Variants in FAM227B observed in about 807,000 individuals in gnomAD.
FAM227B encodes protein FAM227B.
FAM227B carries 88 observed loss-of-function variants against 73.8 expected under a neutral mutation model. That is an observed-to-expected ratio of 1.19 (90% CI 1.00 to 1.42). FAM227B has a LOEUF of 1.42. Ranked by LOEUF, FAM227B falls within the 40% of genes most tolerant of loss-of-function variation. The pLI is 0.00. For missense variants in FAM227B, 632 were observed against 590.9 expected, an observed-to-expected ratio of 1.07 and a Z score of -0.72; for synonymous variants, 210 against 190.5, an observed-to-expected ratio of 1.10 and a Z score of -0.84.
At chr15:49,476,019 A>G (rs1166140166) in intron 11 of FAM227B, among the ~76,000 whole-genome samples, 1 of 152,144 alleles carries the variant, frequency 6.6e-6, no homozygotes, top group Non-Finnish European at 1.5e-5. Flanking sequence ...CAATCTTCTG[A>G]ACATGACTTT....
intron 13 of FAM227B, among the ~76,000 whole-genome samples, chr15:49,352,936 G>GTGTA (rs1441046140): frequency 6.6e-6 from 1 of 152,172 alleles, no homozygotes; most frequent in Non-Finnish European, 1.5e-5. Context: ...TCTTACTGCA[G>GTGTA]TGTATTAAAC....
chr15:49,454,437 T>C (rs1388016654), intron 11 of FAM227B, among the ~76,000 whole-genome samples: 1 of 152,188 alleles, frequency 6.6e-6, no homozygotes, highest in East Asian at 1.9e-4. Flanking sequence ...GTGCCTGCTC[T>C]GTTTATAGAA....
intron 11 of FAM227B, among the ~76,000 whole-genome samples, chr15:49,479,364 C>T (rs1447528505): frequency 6.6e-6 from 1 of 151,964 alleles, no homozygotes; most frequent in Non-Finnish European, 1.5e-5. Flanking sequence ...TTACTGGGTA[C>T]TACTTAATGT....
intron 11 of FAM227B, among the ~76,000 whole-genome samples, chr15:49,401,386 C>T (rs2048135486): frequency 6.6e-6 from 1 of 151,916 alleles, no homozygotes; most frequent in Non-Finnish European, 1.5e-5. Flanking sequence ...AATAGGAACA[C>T]TTTTACACTG....
At chr15:49,455,644 C>T (rs2053215232) in intron 11 of FAM227B, among the ~76,000 whole-genome samples, 2 of 151,992 alleles carry the variant, frequency 1.3e-5, no homozygotes, top group Non-Finnish European at 2.9e-5. Flanking sequence ...AATCTAATGT[C>T]CTATATTTCT....
intron 9 of FAM227B, among the ~76,000 whole-genome samples, chr15:49,554,974 C>T (rs1053459079): frequency 6.6e-6 from 1 of 152,056 alleles, no homozygotes; most frequent in African/African-American, 2.4e-5. Context: ...CTGGGGGTAT[C>T]ACTGTATGTG....
At chr15:49,523,603 A>G (rs974308414) in intron 10 of FAM227B, among the ~76,000 whole-genome samples, 4 of 152,206 alleles carry the variant, frequency 2.6e-5, no homozygotes, top group Non-Finnish European at 5.9e-5. Context: ...TGCTAAAAAG[A>G]TACCAAAAAA....
Position 49,611,205 on chromosome 15 carries a change from C to A in FAM227B, c.105+10G>T. ...ATGTAATGGCACATAAAATAAGATG[C>A]TTTACTCACCCAATTTTGAAACTTT... On this transcript the variant is annotated intron_variant, in intron 3 of 15. Coordinates refer to ENST00000299338, the MANE Select transcript of FAM227B (RefSeq NM_152647.3). 1 of 1,550,730 alleles carries A rather than the reference C, an allele frequency of 6.4e-7. No individual in the cohort carries two copies. The highest frequency in any genetic ancestry group is 8.9e-7 in the Non-Finnish European group (1 of 1,125,650).
intron 10 of FAM227B, among the ~76,000 whole-genome samples, chr15:49,540,726 G>A (rs533629939): frequency 6.6e-6 from 1 of 152,308 alleles, no homozygotes; most frequent in African/African-American, 2.4e-5. Context: ...TTTTGGGGAA[G>A]ATACAATTCA....
intron 11 of FAM227B, among the ~76,000 whole-genome samples, chr15:49,385,759 C>T (rs1350510159): frequency 6.6e-6 from 1 of 151,698 alleles, no homozygotes; most frequent in Non-Finnish European, 1.5e-5. Context: ...AAGAGACTCA[C>T]CTAACATGGA....
chr15:49,510,017 A>G (rs1053971247), intron 10 of FAM227B, among the ~76,000 whole-genome samples: 1 of 152,142 alleles, frequency 6.6e-6, no homozygotes, highest in Non-Finnish European at 1.5e-5. Flanking sequence ...CCCCAAGACC[A>G]TATCTTGCTT....
intron 8 of FAM227B, chr15:49,574,691 T>C (rs1390543400): frequency 6.0e-6 from 1 of 165,824 alleles, no homozygotes; most frequent in African/African-American, 2.4e-5. Context: ...CTAATCAGAA[T>C]TCTCACCTTT....
intron 5 of FAM227B, among the ~76,000 whole-genome samples, chr15:49,583,475 T>C (rs565058666): frequency 2.6e-5 from 4 of 152,140 alleles, no homozygotes; most frequent in African/African-American, 9.6e-5. Context: ...GACATGACAA[T>C]GTCAGGAGGT....
intron 11 of FAM227B, chr15:49,422,785 T>C: frequency 2.3e-6 from 3 of 1,299,374 alleles, no homozygotes; most frequent in Non-Finnish European, 3.2e-6. Flanking sequence ...GATGTGATAA[T>C]ATTCAACTTA....
intron 10 of FAM227B, among the ~76,000 whole-genome samples, chr15:49,524,815 G>A (rs939115016): frequency 3.9e-5 from 6 of 152,170 alleles, no homozygotes; most frequent in Admixed American, 2.6e-4. Context: ...AGATCATTTT[G>A]GAGCTTTGAG....
At chr15:49,583,494 T>C (rs1310513391) in intron 5 of FAM227B, among the ~76,000 whole-genome samples, 1 of 152,062 alleles carries the variant, frequency 6.6e-6, no homozygotes, top group African/African-American at 2.4e-5. Context: ...GTTACTCTTT[T>C]TGGTCTAAAA....
chr15:49,618,044 TTTGA>T (rs374016826), intron 1 of FAM227B, among the ~76,000 whole-genome samples: 14 of 152,122 alleles, frequency 9.2e-5, no homozygotes, highest in African/African-American at 3.4e-4. Flanking sequence ...ATAAGAACTC[TTTGA>T]TTATGTCCAG....
Position 49,424,373 on chromosome 15 carries a change from G to T in FAM227B, c.1013-52974C>A. On this transcript the variant is annotated intron_variant, in intron 11 of 15. Coordinates refer to ENST00000299338, the MANE Select transcript of FAM227B (RefSeq NM_152647.3). ...ATGCTTTCACATTATCTGTCTAGTGGGTACTATATCTTTAGCTTGCAATGA... is the reference window on the plus strand; with the variant it reads ...ATGCTTTCACATTATCTGTCTAGTGTGTACTATATCTTTAGCTTGCAATGA... 2 of 1,613,528 alleles carry T rather than the reference G, an allele frequency of 1.2e-6. No homozygotes were observed. Among genetic ancestry groups the T allele is most frequent in the Non-Finnish European group, 1.7e-6 (2 of 1,179,680 alleles).
At chr15:49,547,915 T>C (rs2072185510) in intron 9 of FAM227B, among the ~76,000 whole-genome samples, 1 of 152,174 alleles carries the variant, frequency 6.6e-6, no homozygotes, top group Non-Finnish European at 1.5e-5. Context: ...AAACAGGTCA[T>C]CAAGATGGAA....
Sources: gnomAD v4.1 joint callset for allele counts (sites outside exome capture counted in the v4.1 genomes callset) on GRCh38, gnomAD v4.1.1 for gene constraint, MANE v1.5 for transcripts, NCBI Gene and HGNC (gene_info 2026-07-23, HGNC 2026-07-21) for gene names.